DISC1: variants seen among roughly 807,000 people sequenced by gnomAD.
The protein encoded by DISC1 is DISC1 scaffold protein.
Under a neutral mutation model 84.5 loss-of-function variants are expected in DISC1, and 57 were observed. That is an observed-to-expected ratio of 0.67 (90% CI 0.55 to 0.84). The LOEUF is 0.84. Among genes scored for constraint, DISC1 ranks in the 40% least tolerant of loss-of-function variants. The pLI, the probability that DISC1 is intolerant of heterozygous loss-of-function variation, is 0.00. For synonymous variants in DISC1, 411 were observed against 415.2 expected, an observed-to-expected ratio of 0.99 and a Z score of 0.12; for missense variants, 1,000 against 1,057.8, an observed-to-expected ratio of 0.95 and a Z score of 0.76.
At chr1:231,701,377 T>TG (rs1180136973) in intron 2 of DISC1, among the ~76,000 whole-genome samples, 3 of 152,172 alleles carry the variant, frequency 2.0e-5, no homozygotes, top group Non-Finnish European at 4.4e-5. Flanking sequence ...ATCAACCCAT[T>TG]GGTAACACTC....
chr1:231,861,834 T>C (rs1454598660), intron 9 of DISC1, among the ~76,000 whole-genome samples: 1 of 152,190 alleles, frequency 6.6e-6, no homozygotes, highest in Non-Finnish European at 1.5e-5. Context: ...TAGATTACTT[T>C]CCCATTAATG....
Position 231,782,205 on chromosome 1 carries a change from G to C in DISC1, c.1634+11135G>C, listed in dbSNP as rs16854960. ...TCCTCTTTGAGTCATGTTGATATTG[G>C]TGTTTGGATTCTTTATGCAATTTCT... On this transcript the variant is annotated intron_variant, in intron 6 of 12. Coordinates refer to ENST00000439617, the MANE Select transcript of DISC1 (RefSeq NM_018662.3). Among the ~76,000 whole-genome samples, 1,516 of 152,246 alleles carry C rather than the reference G, an allele frequency of 1.0e-2. 50 individuals carry two copies. In the East Asian group the frequency reaches 0.13, roughly 13 times the overall value.
rs945462927 is a variant in DISC1 at position 231,911,588 on chromosome 1, T to G, written c.1982-47240T>G. ...CCCTTTGTGGGTAACCTGACCTTTC[T>G]CTCTGGCTGCTCTTAACATATTTTC... On this transcript the variant is annotated intron_variant, in intron 9 of 12. Transcript: ENST00000439617. Among the ~76,000 whole-genome samples the G allele has an allele frequency of 2.0e-5, 3 of 152,348 alleles. No homozygotes were observed. In the East Asian group the frequency reaches 5.8e-4, roughly 29 times the overall value.
At chr1:231,872,317 TG>T (rs2085522802) in intron 9 of DISC1, among the ~76,000 whole-genome samples, 1 of 152,218 alleles carries the variant, frequency 6.6e-6, no homozygotes, top group South Asian at 2.1e-4. Flanking sequence ...GTGGTTCTTT[TG>T]TAAGGTTATT....
intron 9 of DISC1, among the ~76,000 whole-genome samples, chr1:231,955,559 G>A (rs984331267): frequency 1.2e-4 from 18 of 149,570 alleles, no homozygotes; most frequent in Non-Finnish European, 1.8e-4. Context: ...GCACGATCTC[G>A]GCTCACTGCA....
intron 2 of DISC1, among the ~76,000 whole-genome samples, chr1:231,700,985 C>T (rs1269597930): frequency 6.6e-6 from 1 of 152,126 alleles, no homozygotes; most frequent in African/African-American, 2.4e-5. Context: ...TTTGGGTCTC[C>T]TGTTGAGAAG....
chr1:231,828,452 C>T (rs1003509394), intron 9 of DISC1, among the ~76,000 whole-genome samples: 9 of 152,162 alleles, frequency 5.9e-5, no homozygotes, highest in Admixed American at 1.3e-4. Flanking sequence ...TCACCAAACA[C>T]GGACATTCCC....
rs182970756 is a variant in DISC1, at chr1:231,660,569, C to T, written c.68-33257C>T. Among the ~76,000 whole-genome samples, 409 of 152,212 alleles carry T rather than the reference C, an allele frequency of 2.7e-3. 6 individuals carry two copies. Among genetic ancestry groups the T allele is most frequent in the African/African-American group, 8.7e-3 (361 of 41,538 alleles). Reference sequence around the variant, plus strand: ...CCAGCTCACGGCAACCTCTGCCTCCCGGGTGAAGCGATTCTCCTGCCTCAG... The same window carrying T: ...CCAGCTCACGGCAACCTCTGCCTCCTGGGTGAAGCGATTCTCCTGCCTCAG... On this transcript the variant is annotated intron_variant, in intron 1 of 12. Coordinates refer to ENST00000439617, the MANE Select transcript of DISC1 (RefSeq NM_018662.3).
At position 232,005,686 on chromosome 1, in the gene DISC1, G is replaced by C. The variant is rs201899751; in HGVS notation, c.2043-3099G>C. On this transcript the variant is annotated intron_variant, in intron 10 of 12. Transcript: ENST00000439617. ...CTCATCATTTATGGACATGGGCTTT[G>C]AGAGAATGTTAATTAATATGTCCAA... Among the ~76,000 whole-genome samples the C allele has an allele frequency of 1.1e-4, 17 of 151,116 alleles. No homozygotes were observed. The South Asian group carries it at 2.9e-3, about 26-fold the overall frequency.
chr1:231,844,926 CAAAAAAAAA>C (rs1175955587), intron 9 of DISC1, among the ~76,000 whole-genome samples: 2 of 68,804 alleles, frequency 2.9e-5, no homozygotes, highest in Non-Finnish European at 6.1e-5. Flanking sequence ...GACTCTGACT[CAAAAAAAAA>C]AAAAAAAGAA....
At chr1:231,828,078 T>A (rs1033345627) in intron 9 of DISC1, among the ~76,000 whole-genome samples, 1 of 152,246 alleles carries the variant, frequency 6.6e-6, no homozygotes, top group Admixed American at 6.5e-5. Flanking sequence ...GCCAAAATGA[T>A]GTTTAATTTT....
chr1:231,675,480 C>A lies in DISC1; in HGVS notation c.68-18346C>A, dbSNP rs1480787331. Among the ~76,000 whole-genome samples the A allele has an allele frequency of 1.3e-5, 2 of 152,182 alleles. No homozygotes were observed. Among genetic ancestry groups the A allele is most frequent in the Admixed American group, 1.3e-4 (2 of 15,278 alleles). ...GATTTTTGACCCTAAGAAATTAGTT[C>A]ACCTTATCATCAGATAGAGATGCTA... On this transcript the variant is annotated intron_variant, in intron 1 of 12. Coordinates refer to ENST00000439617, the MANE Select transcript of DISC1 (RefSeq NM_018662.3). This position sits in a 1 kb window ranked among gnomAD's most constrained non-coding sequence, Gnocchi z 4.1.
At chr1:231,759,551 A>AAAAAAAAAAT (rs2075457158) in intron 4 of DISC1, among the ~76,000 whole-genome samples, 1 of 139,658 alleles carries the variant, frequency 7.2e-6, no homozygotes, top group Non-Finnish European at 1.5e-5. Flanking sequence ...AAAAAAAAAA[A>AAAAAAAAAAT]CAAAACTAGC....
chr1:231,984,755 A>T (rs542969140), intron 10 of DISC1, among the ~76,000 whole-genome samples: 4 of 152,308 alleles, frequency 2.6e-5, no homozygotes, highest in African/African-American at 9.6e-5. Context: ...GGGGAAGTCA[A>T]GGGAAGGTAC....
intron 9 of DISC1, among the ~76,000 whole-genome samples, chr1:231,853,362 A>G (rs891525243): frequency 2.6e-5 from 4 of 152,188 alleles, no homozygotes; most frequent in African/African-American, 7.2e-5. Flanking sequence ...GGTGCACCCT[A>G]CTACTCCACA....
chr1:231,800,101 C>G lies in DISC1; in HGVS notation c.1690-7C>G. 1 of 1,600,720 alleles carries G rather than the reference C, an allele frequency of 6.2e-7. No individual in the cohort carries two copies. Among genetic ancestry groups the G allele is most frequent in the Non-Finnish European group, 8.5e-7 (1 of 1,170,472 alleles). On this transcript the variant is annotated splice_polypyrimidine_tract_variant and splice_region_variant and intron_variant, in intron 7 of 12. Coordinates refer to ENST00000439617, the MANE Select transcript of DISC1 (RefSeq NM_018662.3). ...ATGATGATTCCTGGTCATTTCTCTC[C>G]CCCTAGGTGTGTATGAGTGAGAAAT...
At chr1:231,671,274 A>G (rs1484745978) in intron 1 of DISC1, among the ~76,000 whole-genome samples, 3 of 151,590 alleles carry the variant, frequency 2.0e-5, no homozygotes, top group African/African-American at 4.9e-5. Flanking sequence ...TGCCTTGTGT[A>G]TATATCATCT....
At chr1:231,663,816 T>C (rs1206252417) in intron 1 of DISC1, among the ~76,000 whole-genome samples, 6 of 152,250 alleles carry the variant, frequency 3.9e-5, no homozygotes, top group African/African-American at 1.4e-4. Context: ...AATGCTCCTT[T>C]AAGTTTCTGG....
At chr1:231,647,438 C>G (rs1362871158) in intron 1 of DISC1, among the ~76,000 whole-genome samples, 6 of 152,166 alleles carry the variant, frequency 3.9e-5, no homozygotes, top group African/African-American at 1.4e-4. Flanking sequence ...TGTTTTGGTA[C>G]CAGCACCATG....
Sources: allele counts gnomAD v4.1 joint callset (sites outside exome capture counted in the v4.1 genomes callset), GRCh38; gene constraint gnomAD v4.1.1; non-coding constraint Gnocchi (gnomAD v3.1); transcripts MANE v1.5; gene names NCBI Gene and HGNC (gene_info 2026-07-23, HGNC 2026-07-21).